Variants in INTS5 observed in about 807,000 individuals in gnomAD.
INTS5 encodes KIAA1698.
Under a neutral mutation model 60.0 loss-of-function variants are expected in INTS5, and 29 were observed. That is an observed-to-expected ratio of 0.48 (90% CI 0.36 to 0.66). The LOEUF is 0.66. INTS5 is among the 30% of genes least tolerant of loss of function. The pLI is 0.00. For missense variants in INTS5, 1,129 were observed against 1,307.9 expected, an observed-to-expected ratio of 0.86 and a Z score of 2.11; for synonymous variants, 588 against 558.8, an observed-to-expected ratio of 1.05 and a Z score of -0.74.
intron 1 of INTS5, among the ~76,000 whole-genome samples, chr11:62,650,972 G>A (rs1191796761): frequency 6.6e-6 from 1 of 152,148 alleles, no homozygotes; most frequent in Non-Finnish European, 1.5e-5. Flanking sequence ...CAAAGTGCTG[G>A]CATTACAGGT....
In INTS5 at chr11:62,646,913, C is replaced by T; in HGVS notation, c.*107G>A. On this transcript the variant is annotated 3_prime_UTR_variant, in exon 2 of 2. Coordinates refer to ENST00000330574, the MANE Select transcript of INTS5 (RefSeq NM_030628.2). ...AGTGGGAGAGAAAAAAGTGACAGCG[C>T]TCTTTAGACCAAGGACTTAGAAGAG... 9.9e-7 allele frequency: 1 copy of T among 1,010,736 alleles called. No individual in the cohort carries two copies. The allele number at this position is 1,010,736 out of a possible 1,614,324, so 62.6% of individuals were successfully genotyped here. A position where few individuals can be genotyped will look rare whatever the true frequency, so the allele number is the denominator to read the frequency against.
At chr11:62,651,354 ATCCTCCCGCCTCG>A (rs746860854) in intron 1 of INTS5, among the ~76,000 whole-genome samples, 8 of 151,060 alleles carry the variant, frequency 5.3e-5, no homozygotes, top group Non-Finnish European at 8.9e-5. Context: ...TGACCTTGTG[ATCCTCCCGCCTCG>A]TCCTCCCAAA....
At position 62,649,528 on chromosome 11, in the gene INTS5, C is replaced by T. The variant is rs1565120234; in HGVS notation, c.552G>A (p.Arg184=). 6.2e-7 allele frequency: 1 copy of T among 1,614,194 alleles called. No homozygotes were observed. The highest frequency in any genetic ancestry group is 2.2e-5 in the East Asian group (1 of 44,892). Residue 184 remains arginine, a synonymous_variant, in exon 2 of 2, where the codon AGG becomes AGA. Transcript: ENST00000330574. The surrounding 1 kb of genome is among the most constrained non-coding windows in gnomAD (Gnocchi z 6.0). ...AGATGTCCATTAATGTACGCGTGGC[C>T]CTACAACCCATCCACAGCTGTAGCA... The part of the protein sequence containing the change: ...NELLQLWMGC[R]ATRTLMDIYV...
At chr11:62,650,593 A>G (rs1944585957) in intron 1 of INTS5, among the ~76,000 whole-genome samples, 1 of 152,010 alleles carries the variant, frequency 6.6e-6, no homozygotes, top group Admixed American at 6.6e-5. Flanking sequence ...TTGTATTTTT[A>G]GTAGAGACAG....
At position 62,648,843 on chromosome 11, in the gene INTS5, T is replaced by A. The variant is rs764749943; in HGVS notation, c.1237A>T (p.Thr413Ser). The change falls in exon 2 of 2, where the codon ACA (threonine) becomes TCA (serine). Residue 413 changes from threonine to serine, a missense_variant. Coordinates refer to ENST00000330574, the MANE Select transcript of INTS5 (RefSeq NM_030628.2). The surrounding 1 kb of genome is among the most constrained non-coding windows in gnomAD (Gnocchi z 4.4). ...AYRLLQFLVD[T>S]AMPASVITTQ... ...GTAATGACCGAAGCAGGCATAGCTG[T>A]GTCCACCAGGAACTGCAGCAAGCGG... is the stretch of plus-strand genomic sequence containing the variant. 3.1e-6 allele frequency: 5 copies of A among 1,613,976 alleles called. No individual in the cohort carries two copies. The highest frequency in any genetic ancestry group is 3.4e-6 in the Non-Finnish European group (4 of 1,180,018).
Position 62,648,729 on chromosome 11 carries a change from G to T in INTS5, c.1351C>A (p.His451Asn), listed in dbSNP as rs769162631. The change falls in exon 2 of 2, where the codon CAT becomes AAT. Residue 451 changes from histidine to asparagine, a missense_variant. His to Asn is a moderately conservative substitution (Grantham distance 68, BLOSUM62 1). Around this residue, in one of 3 missense-constraint regions of INTS5, gnomAD observed 1,070 missense variants for 1,246.1 expected, o/e 0.86. Transcript: ENST00000330574. This position sits in a 1 kb window ranked among gnomAD's most constrained non-coding sequence, Gnocchi z 4.4. ...TCCCCAGGAGACCCTCCCCGGTGAT[G>T]AACCAGTTTTTGCAGGTGCAGCAGC... ...LLLLHLQKLV[H>N]HRGGSPGEGV... 6.2e-7 allele frequency: 1 copy of T among 1,614,200 alleles called. No individual in the cohort carries two copies. The highest frequency in any genetic ancestry group is 1.7e-5 in the Admixed American group (1 of 60,034).
Position 62,647,371 on chromosome 11 carries a change from G to A in INTS5, c.2709C>T (p.His903=), listed in dbSNP as rs768087668. The part of the protein sequence containing the change: ...RHPDTTHSPW[H]LEASCTLVAV... ...CCACTAAGGTGCAGGATGCCTCCAG[G>A]TGCCAGGGGGAGTGGGTCGTGTCAG... Residue 903 remains histidine, a synonymous_variant, in exon 2 of 2, where the codon CAC becomes CAT. Coordinates refer to ENST00000330574, the MANE Select transcript of INTS5 (RefSeq NM_030628.2). 7 of 1,613,290 alleles carry A rather than the reference G, an allele frequency of 4.3e-6. No homozygotes were observed. Among genetic ancestry groups the A allele is most frequent in the East Asian group, 2.2e-5 (1 of 44,900 alleles).
chr11:62,647,268 C>T lies in INTS5; in HGVS notation c.2812G>A (p.Glu938Lys). The change falls in exon 2 of 2, where the codon GAG becomes AAG. Residue 938 changes from glutamate to lysine, a missense_variant. Physicochemically the swap from Glu to Lys is moderately conservative, Grantham distance 56 (BLOSUM62 1). Transcript: ENST00000330574. ...ACACTGAGCAGCAGCAGACGCACCT[C>T]GAAAGGTGCCAGTTGGCTAAATACT... ...HEVFSQLAPFEVRLLLLSVWG... is the reference protein window; with the variant it reads ...HEVFSQLAPFKVRLLLLSVWG... The T allele has an allele frequency of 6.2e-7, 1 of 1,614,212 alleles. No homozygotes were observed. Among genetic ancestry groups the T allele is most frequent in the Non-Finnish European group, 8.5e-7 (1 of 1,180,038 alleles).
rs759089103 is a variant in INTS5, at chr11:62,648,617, GTC to G, written c.1461_1462del (p.Glu487AspfsTer26). The G allele has an allele frequency of 6.2e-7, 1 of 1,614,058 alleles. No individual in the cohort carries two copies. The highest frequency in any genetic ancestry group is 8.5e-7 in the Non-Finnish European group (1 of 1,179,988). On this transcript the variant is annotated frameshift_variant, in exon 2 of 2. Transcript: ENST00000330574. LOFTEE classifies it high-confidence loss of function. This position sits in a 1 kb window ranked among gnomAD's most constrained non-coding sequence, Gnocchi z 4.4. ...GAAGCGCTTCCGTTCCAATCGTAACGTCTCTCCACACAGCTCTCCAACATGGT... is the reference window on the plus strand; with the variant it reads ...GAAGCGCTTCCGTTCCAATCGTAACGTCTCCACACAGCTCTCCAACATGGT...
At position 62,648,842 on chromosome 11, in the gene INTS5, G is replaced by A; in HGVS notation, c.1238C>T (p.Thr413Ile). 6.2e-7 allele frequency: 1 copy of A among 1,614,048 alleles called. No homozygotes were observed. The highest frequency in any genetic ancestry group is 1.1e-5 in the South Asian group (1 of 91,084). ...AYRLLQFLVDTAMPASVITTQ... is the reference protein window; with the variant it reads ...AYRLLQFLVDIAMPASVITTQ... ...GGTAATGACCGAAGCAGGCATAGCTGTGTCCACCAGGAACTGCAGCAAGCG... is the reference window on the plus strand; with the variant it reads ...GGTAATGACCGAAGCAGGCATAGCTATGTCCACCAGGAACTGCAGCAAGCG... Residue 413 changes from threonine to isoleucine, a missense_variant, in exon 2 of 2, where the codon ACA becomes ATA. By Grantham distance (89) the Thr-to-Ile change is moderately conservative (BLOSUM62 -1). Around this residue, in one of 3 missense-constraint regions of INTS5, gnomAD observed 1,070 missense variants for 1,246.1 expected, o/e 0.86. Transcript: ENST00000330574. This position sits in a 1 kb window ranked among gnomAD's most constrained non-coding sequence, Gnocchi z 4.4.
At chr11:62,652,574 G>A (rs1047326242) in intron 1 of INTS5, among the ~76,000 whole-genome samples, 4 of 151,988 alleles carry the variant, frequency 2.6e-5, no homozygotes, top group African/African-American at 9.7e-5. Flanking sequence ...GGTGTCCCAG[G>A]GCACAGAGTA....
intron 1 of INTS5, among the ~76,000 whole-genome samples, chr11:62,650,367 C>T (rs1476503572): frequency 6.6e-6 from 1 of 152,092 alleles, no homozygotes; most frequent in African/African-American, 2.4e-5. Context: ...CCGTCCTCCT[C>T]GGCCTCCAAA....
At chr11:62,653,073 C>T in intron 1 of INTS5, 97 bp downstream of exon 1, 1 of 728,930 alleles carries the variant, frequency 1.4e-6, no homozygotes, top group South Asian at 7.2e-5. Flanking sequence ...AGAACCCTGA[C>T]GTGAGTTCTC....
At chr11:62,650,203 G>A (rs1405571559) in intron 1 of INTS5, among the ~76,000 whole-genome samples, 3 of 151,418 alleles carry the variant, frequency 2.0e-5, no homozygotes, top group Admixed American at 6.6e-5. Flanking sequence ...TGCAAGCTCC[G>A]CCTCCTGGGT....
Position 62,647,134 on chromosome 11 carries a change from T to C in INTS5, c.2946A>G (p.Gly982=), listed in dbSNP as rs202008289. Residue 982 remains glycine, a synonymous_variant, in exon 2 of 2, where the codon GGA becomes GGG. Transcript: ENST00000330574. ...DFSREGGGEG[G]PHLAVLHSVL... ...CACTGTGCAGCACAGCCAGATGGGG[T>C]CCACCCTCACCTCCACCCTCCCTGG... 3.4e-5 allele frequency: 55 copies of C among 1,613,852 alleles called. No individual in the cohort carries two copies. In the East Asian group the frequency reaches 1.0e-3, roughly 31 times the overall value.
Position 62,649,086 on chromosome 11 carries a change from G to A in INTS5, c.994C>T (p.Pro332Ser). 6.2e-7 allele frequency: 1 copy of A among 1,610,176 alleles called. No homozygotes were observed. Among genetic ancestry groups the A allele is most frequent in the Non-Finnish European group, 8.5e-7 (1 of 1,177,060 alleles). Residue 332 changes from proline to serine, a missense_variant, in exon 2 of 2, where the codon CCC (proline) becomes TCC (serine). Coordinates refer to ENST00000330574, the MANE Select transcript of INTS5 (RefSeq NM_030628.2). This position sits in a 1 kb window ranked among gnomAD's most constrained non-coding sequence, Gnocchi z 6.0. The part of the protein sequence containing the change: ...AGGSGGRSGD[P>S]SLQATVPFLL... ...AACGGAACCGTGGCCTGAAGGGAGGGGTCCCCACTGCGGCCTCCAGATCCC... is the reference window on the plus strand; with the variant it reads ...AACGGAACCGTGGCCTGAAGGGAGGAGTCCCCACTGCGGCCTCCAGATCCC...
Position 62,647,554 on chromosome 11 carries a change from C to T in INTS5, c.2526G>A (p.Glu842=), listed in dbSNP as rs1269184925. Residue 842 remains glutamate (E), a synonymous_variant, in exon 2 of 2, where the codon GAG becomes GAA. Coordinates refer to ENST00000330574, the MANE Select transcript of INTS5 (RefSeq NM_030628.2). The part of the protein sequence containing the change: ...PPEEHARATV[E]RDLRIGRRFR... ...AGCGCCGGCCAATGCGGAGATCCCG[C>T]TCCACGGTGGCCCGGGCGTGTTCCT... The T allele has an allele frequency of 1.2e-6, 2 of 1,613,612 alleles. No individual in the cohort carries two copies. The highest frequency in any genetic ancestry group is 8.5e-7 in the Non-Finnish European group (1 of 1,179,976).
Position 62,649,111 on chromosome 11 carries a change from C to T in INTS5, c.969G>A (p.Gly323=). ...GGTCCCCACTGCGGCCTCCAGATCCCCCTGCCAGGCTATCATGGAACATTC... is the reference window on the plus strand; with the variant it reads ...GGTCCCCACTGCGGCCTCCAGATCCTCCTGCCAGGCTATCATGGAACATTC... ...LLRMFHDSLA[G]GSGGRSGDPS... Residue 323 remains glycine (G), a synonymous_variant, in exon 2 of 2, where the codon GGG becomes GGA. Coordinates refer to ENST00000330574, the MANE Select transcript of INTS5 (RefSeq NM_030628.2). This position sits in a 1 kb window ranked among gnomAD's most constrained non-coding sequence, Gnocchi z 6.0. 6.2e-7 allele frequency: 1 copy of T among 1,611,086 alleles called. No homozygotes were observed.
Position 62,647,650 on chromosome 11 carries a change from T to A in INTS5, c.2430A>T (p.Lys810Asn). The change falls in exon 2 of 2, where the codon AAA becomes AAT. Residue 810 changes from lysine (K) to asparagine (N), a missense_variant. By Grantham distance (94) the Lys-to-Asn change is moderately conservative. Around this residue, in one of 3 missense-constraint regions of INTS5, gnomAD observed 1,070 missense variants for 1,246.1 expected, o/e 0.86. Transcript: ENST00000330574. ...GAPILSPEAA[K>N]AVAVTLVESV... ...TCTCCACCAAGGTCACTGCCACTGC[T>A]TTGGCTGCCTCTGGACTCAAGATGG... 6.2e-7 allele frequency: 1 copy of A among 1,614,088 alleles called. No homozygotes were observed. Among genetic ancestry groups the A allele is most frequent in the Non-Finnish European group, 8.5e-7 (1 of 1,180,032 alleles).
Sources: allele counts gnomAD v4.1 joint callset (sites outside exome capture counted in the v4.1 genomes callset), GRCh38; gene constraint gnomAD v4.1.1; regional missense constraint gnomAD v4.1.1; non-coding constraint Gnocchi (gnomAD v3.1); transcripts MANE v1.5; gene names NCBI Gene and HGNC (gene_info 2026-07-23, HGNC 2026-07-21).